The following CSMD1 variants were observed in gnomAD, a reference collection of about 807,000 sequenced individuals.
CSMD1 encodes CUB and sushi domain-containing protein 1.
CSMD1 carries 213 observed loss-of-function variants against 417.5 expected under a neutral mutation model. The ratio of observed to expected loss-of-function variants is 0.51; its 90% confidence interval spans 0.46 to 0.57. CSMD1 has a LOEUF of 0.57. Ranked by LOEUF, CSMD1 falls within the 20% of genes least tolerant of loss-of-function variation. CSMD1 has a pLI of 0.00. For missense variants in CSMD1, 6,923 were observed against 4,529.7 expected, an observed-to-expected ratio of 1.53 and a Z score of -15.17; for synonymous variants, 2,862 against 1,736.8, an observed-to-expected ratio of 1.65 and a Z score of -16.11.
At chr8:4,221,415 A>C (rs1585047354) in intron 3 of CSMD1, among the ~76,000 whole-genome samples, 1 of 152,136 alleles carries the variant, frequency 6.6e-6, no homozygotes, top group South Asian at 2.1e-4. Flanking sequence ...CAGCAGCAAA[A>C]CTTGAGAAGC....
At chr8:3,448,378 G>GGAGGAGGGA (rs1815458165) in intron 12 of CSMD1, among the ~76,000 whole-genome samples, 2 of 17,262 alleles carry the variant, frequency 1.2e-4, no homozygotes, top group African/African-American at 3.7e-4. Context: ...AGGAAGGGAG[G>GGAGGAGGGA]GGGAGGAGGG....
chr8:4,637,143 C>CT (rs1020798923), intron 2 of CSMD1, among the ~76,000 whole-genome samples, 199 bp downstream of exon 2: 1 of 152,136 alleles, frequency 6.6e-6, no homozygotes, highest in Non-Finnish European at 1.5e-5. Context: ...ACCACTAACT[C>CT]TTTGTTTCCC....
At position 3,348,125 on chromosome 8, in the gene CSMD1, G is replaced by A. The variant is rs755165204; in HGVS notation, c.3341C>T (p.Thr1114Ile). ...GGATGGAAAATTTGGAGACAGTAAT[G>A]TTCCTTCATTTCCTTTGACACTTGC... ...CGASVKGNEG[T>I]LLSPNFPSNY... The change falls in exon 22 of 70, where the codon ACA (threonine) becomes ATA (isoleucine). Residue 1114 changes from threonine (T) to isoleucine (I), a missense_variant. By Grantham distance (89) the Thr-to-Ile change is moderately conservative. Coordinates refer to ENST00000635120, the MANE Select transcript of CSMD1 (RefSeq NM_033225.6). The A allele has an allele frequency of 3.7e-6, 6 of 1,612,390 alleles. No homozygotes were observed. Among genetic ancestry groups the A allele is most frequent in the Non-Finnish European group, 5.1e-6 (6 of 1,179,124 alleles).
chr8:4,298,068 C>T (rs963691261), intron 3 of CSMD1, among the ~76,000 whole-genome samples: 4 of 152,040 alleles, frequency 2.6e-5, no homozygotes, highest in African/African-American at 4.8e-5. Flanking sequence ...TACATGCTAG[C>T]GTCTCTCTGG....
At chr8:3,952,072 T>C (rs1227730913) in intron 5 of CSMD1, among the ~76,000 whole-genome samples, 1 of 152,170 alleles carries the variant, frequency 6.6e-6, no homozygotes, top group Non-Finnish European at 1.5e-5. Flanking sequence ...CATTAGTTGT[T>C]TGAATAAAAA....
chr8:4,103,489 TATAA>T (rs141184974), intron 3 of CSMD1, among the ~76,000 whole-genome samples: 1,576 of 150,722 alleles, frequency 0.01, 25 homozygotes, highest in African/African-American at 0.035. Flanking sequence ...TTTACATATA[TATAA>T]ATAAACATAT....
intron 7 of CSMD1, among the ~76,000 whole-genome samples, chr8:3,699,498 G>A (rs900096): frequency 0.025 from 3,799 of 152,226 alleles, 142 homozygotes; most frequent in African/African-American, 0.081. Flanking sequence ...ACTTGGTGGC[G>A]CCTCACATGG....
At chr8:3,807,048 G>A (rs999387244) in intron 5 of CSMD1, among the ~76,000 whole-genome samples, 3 of 152,116 alleles carry the variant, frequency 2.0e-5, no homozygotes, top group South Asian at 2.1e-4. Context: ...TGACTCACAA[G>A]TCTGGTAGCT....
At chr8:3,785,270 G>A (rs1799394579) in intron 5 of CSMD1, among the ~76,000 whole-genome samples, 1 of 152,226 alleles carries the variant, frequency 6.6e-6, no homozygotes, top group Non-Finnish European at 1.5e-5. Flanking sequence ...TTCAAAGCAA[G>A]CACGACAGAA....
At chr8:3,040,005 G>A (rs992545968) in intron 50 of CSMD1, among the ~76,000 whole-genome samples, 1 of 152,158 alleles carries the variant, frequency 6.6e-6, no homozygotes, top group African/African-American at 2.4e-5. Flanking sequence ...AATCCAGAAA[G>A]TGACTCCAAC....
chr8:3,061,956 C>T lies in CSMD1; in HGVS notation c.7475-9309G>A, dbSNP rs542613764. The stretch of plus-strand genomic sequence containing the variant: ...GATATCAGAGTAGCTGATGACGAAG[C>T]CTGCCTTTCAGTTACTCTCCTGTGC... On this transcript the variant is annotated intron_variant, in intron 49 of 69. Coordinates refer to ENST00000635120, the MANE Select transcript of CSMD1 (RefSeq NM_033225.6). Among the ~76,000 whole-genome samples, 142 of 152,200 alleles carry T rather than the reference C, an allele frequency of 9.3e-4. 1 individual carries two copies. The highest frequency in any genetic ancestry group is 3.4e-3 in the African/African-American group (140 of 41,538).
At chr8:3,574,112 G>T (rs973565490) in intron 10 of CSMD1, among the ~76,000 whole-genome samples, 1 of 151,962 alleles carries the variant, frequency 6.6e-6, no homozygotes, top group Admixed American at 6.6e-5. Context: ...CTACCCTGGA[G>T]GAAATATATA....
intron 26 of CSMD1, chr8:3,279,291 G>A (rs1257524667): frequency 6.6e-6 from 1 of 152,200 alleles, no homozygotes; most frequent in Non-Finnish European, 1.5e-5. Flanking sequence ...TCACCACACT[G>A]AATCATCCAG....
At chr8:3,457,555 G>C (rs1488830207) in intron 12 of CSMD1, among the ~76,000 whole-genome samples, 2 of 152,156 alleles carry the variant, frequency 1.3e-5, no homozygotes, top group South Asian at 2.1e-4. Context: ...AGAGGCAAGA[G>C]GATATGTACG....
At chr8:3,366,002 C>G (rs17065939) in intron 20 of CSMD1, among the ~76,000 whole-genome samples, 4,576 of 152,232 alleles carry the variant, frequency 0.03, 93 homozygotes, top group East Asian at 0.08. Context: ...TATTGTGACA[C>G]ATAATCTCAT....
At chr8:4,896,746 G>A (rs1350546507) in intron 1 of CSMD1, among the ~76,000 whole-genome samples, 1 of 152,022 alleles carries the variant, frequency 6.6e-6, no homozygotes, top group Non-Finnish European at 1.5e-5. Context: ...CCGATTCTAA[G>A]CAAGATTGAA....
chr8:3,240,483 G>T (rs1332696778), intron 26 of CSMD1, among the ~76,000 whole-genome samples: 2 of 152,114 alleles, frequency 1.3e-5, no homozygotes, highest in Non-Finnish European at 2.9e-5. Context: ...CGATTGGCAG[G>T]GAGAGCACGT....
chr8:4,979,279 G>A (rs372515462), intron 1 of CSMD1, among the ~76,000 whole-genome samples: 9 of 152,134 alleles, frequency 5.9e-5, no homozygotes, highest in African/African-American at 1.7e-4. Flanking sequence ...AGAGCCATGC[G>A]TGGTTCTATG....
chr8:4,018,964 T>G (rs894407673), intron 4 of CSMD1, among the ~76,000 whole-genome samples: 1 of 152,240 alleles, frequency 6.6e-6, no homozygotes, highest in Non-Finnish European at 1.5e-5. Context: ...TCTGACATTT[T>G]GTGATTGCTT....
Sources: gnomAD v4.1 joint callset for allele counts (sites outside exome capture counted in the v4.1 genomes callset) on GRCh38, gnomAD v4.1.1 for gene constraint, MANE v1.5 for transcripts, NCBI Gene and HGNC (gene_info 2026-07-23, HGNC 2026-07-21) for gene names.